XYLT1: variants seen among roughly 807,000 people sequenced by gnomAD.
The protein encoded by XYLT1 is beta-D-xylosyltransferase 1.
XYLT1 carries 36 observed loss-of-function variants against 91.3 expected under a neutral mutation model. That is an observed-to-expected ratio of 0.39 (90% CI 0.30 to 0.52). The LOEUF (loss-of-function observed/expected upper bound fraction) is 0.52, where lower values mean the gene tolerates loss of function less well. Ranked by LOEUF, XYLT1 falls within the 20% of genes least tolerant of loss-of-function variation. The pLI is 0.68. For missense variants in XYLT1, 1,242 were observed against 1,284.5 expected, an observed-to-expected ratio of 0.97 and a Z score of 0.51; for synonymous variants, 588 against 532.0, an observed-to-expected ratio of 1.11 and a Z score of -1.45.
In XYLT1 at chr16:17,470,696, T is replaced by C; in HGVS notation, c.101A>G (p.Asn34Ser). Residue 34 changes from asparagine to serine, a missense_variant, in exon 1 of 12, where the codon AAT becomes AGT. Physicochemically the swap from Asn to Ser is conservative, Grantham distance 46. This residue lies in a region of XYLT1 where 437 missense variants were observed against 411.5 expected (regional missense o/e 1.06). Coordinates refer to ENST00000261381, the MANE Select transcript of XYLT1 (RefSeq NM_022166.4). ...VLLLQTLVVWNFSSLDSGAGE... is the reference protein window; with the variant it reads ...VLLLQTLVVWSFSSLDSGAGE... ...GGCCCCGGAGTCGAGGCTGCTGAAA[T>C]TCCACACGACCAGCGTCTGCAGCAG... The C allele has an allele frequency of 8.6e-7, 1 of 1,163,420 alleles. No homozygotes were observed. 72.1% of individuals were successfully genotyped at this position (1,163,420 alleles called of 1,614,324 possible). A position where few individuals can be genotyped will look rare whatever the true frequency, so the allele number is the denominator to read the frequency against.
intron 5 of XYLT1, among the ~76,000 whole-genome samples, chr16:17,160,509 C>A (rs1326311542): frequency 6.6e-6 from 1 of 152,238 alleles, no homozygotes; most frequent in Admixed American, 6.5e-5. Flanking sequence ...AAAATGAGCG[C>A]TGCTCGTGTC....
chr16:17,350,031 A>G lies in XYLT1; in HGVS notation c.402+7981T>C, dbSNP rs895126434. Among the ~76,000 whole-genome samples, 7 of 151,692 alleles carry G rather than the reference A, an allele frequency of 4.6e-5. 1 individual carries two copies. The South Asian group carries it at 1.5e-3, about 32-fold the overall frequency. ...TGGGACTACAGGCGCCCACCACCACACCCGGCTAATTTTTTTGTATTTTTA... is the reference window on the plus strand; with the variant it reads ...TGGGACTACAGGCGCCCACCACCACGCCCGGCTAATTTTTTTGTATTTTTA... On this transcript the variant is annotated intron_variant, in intron 2 of 11. Coordinates refer to ENST00000261381, the MANE Select transcript of XYLT1 (RefSeq NM_022166.4).
intron 2 of XYLT1, among the ~76,000 whole-genome samples, chr16:17,286,818 C>A (rs557861710): frequency 2.6e-5 from 4 of 152,284 alleles, no homozygotes; most frequent in Admixed American, 1.3e-4. Flanking sequence ...AGCATCTCCC[C>A]ATGTCTTCTG....
intron 3 of XYLT1, among the ~76,000 whole-genome samples, chr16:17,237,873 T>C (rs951650018): frequency 1.1e-4 from 16 of 152,200 alleles, no homozygotes; most frequent in African/African-American, 3.6e-4. Context: ...TGTCCTTATT[T>C]CCAAGTCAGT....
chr16:17,124,666 G>A (rs555251657), intron 10 of XYLT1, among the ~76,000 whole-genome samples: 1 of 152,338 alleles, frequency 6.6e-6, no homozygotes, highest in South Asian at 2.1e-4. Flanking sequence ...CAAGGCTGGG[G>A]AAGTTTTCCT....
At chr16:17,127,069 A>T (rs1448581719) in intron 10 of XYLT1, among the ~76,000 whole-genome samples, 1 of 152,214 alleles carries the variant, frequency 6.6e-6, no homozygotes, top group Non-Finnish European at 1.5e-5. Context: ...GTTTCTCTGA[A>T]GGTGTATCAT....
At chr16:17,218,906 A>G (rs761834225) in intron 3 of XYLT1, among the ~76,000 whole-genome samples, 1 of 152,140 alleles carries the variant, frequency 6.6e-6, no homozygotes, top group Non-Finnish European at 1.5e-5. Context: ...AGTGTGCTAT[A>G]CCCTGGGGCA....
chr16:17,287,969 C>A (rs2034166530), intron 2 of XYLT1, among the ~76,000 whole-genome samples: 1 of 149,202 alleles, frequency 6.7e-6, no homozygotes. Context: ...GGGTCTGGCT[C>A]TGTTGGCCAG....
chr16:17,228,819 T>C lies in XYLT1; in HGVS notation c.914-28165A>G, dbSNP rs187142354. Among the ~76,000 whole-genome samples, 337 of 152,328 alleles carry C rather than the reference T, an allele frequency of 2.2e-3. 2 individuals are homozygous for C. Among genetic ancestry groups the C allele is most frequent in the Non-Finnish European group, 2.7e-3 (186 of 68,024 alleles). The stretch of plus-strand genomic sequence containing the variant: ...AGGGCCCACTTCATACCTGGCATTT[T>C]ACACACCTGGCCCAAAACACCCTTG... On this transcript the variant is annotated intron_variant, in intron 3 of 11. Transcript: ENST00000261381.
At chr16:17,251,131 TG>T (rs1228657158) in intron 3 of XYLT1, 3 of 152,258 alleles carry the variant, frequency 2.0e-5, no homozygotes, top group African/African-American at 7.2e-5. Flanking sequence ...CTTAAGCAGC[TG>T]GCAGTATCAT....
chr16:17,164,267 AAT>A (rs1490866334), intron 5 of XYLT1, among the ~76,000 whole-genome samples: 1 of 150,780 alleles, frequency 6.6e-6, no homozygotes, highest in Non-Finnish European at 1.5e-5. Context: ...CTTATGCACC[AAT>A]GTTTGTGATA....
In XYLT1 at chr16:17,103,330, C is replaced by T. The variant is rs1379597762; in HGVS notation, c.*5365G>A. On this transcript the variant is annotated 3_prime_UTR_variant, in exon 12 of 12. Coordinates refer to ENST00000261381, the MANE Select transcript of XYLT1 (RefSeq NM_022166.4). ...AGCAGTATGCTCTGAGAGAGTGCTT[C>T]AGGAGTTGGCTGAGCTTTAGATGAG... is the stretch of plus-strand genomic sequence containing the variant. 6.6e-6 allele frequency: 1 copy of T among 152,664 alleles called. No individual in the cohort carries two copies. The highest frequency in any genetic ancestry group is 2.4e-5 in the African/African-American group (1 of 41,462). The allele number at this position is 152,664 out of a possible 1,614,324, so 9.5% of individuals were successfully genotyped here.
intron 1 of XYLT1, chr16:17,445,904 C>T (rs1158603414): frequency 6.6e-6 from 1 of 152,118 alleles, no homozygotes. Context: ...GCAGGGAGAC[C>T]GCTCTTCAGG....
intron 1 of XYLT1, among the ~76,000 whole-genome samples, chr16:17,386,466 G>A (rs1256413013): frequency 6.6e-6 from 1 of 152,154 alleles, no homozygotes; most frequent in Non-Finnish European, 1.5e-5. Flanking sequence ...CTTAAGCCTT[G>A]TTTATGGATT....
intron 1 of XYLT1, among the ~76,000 whole-genome samples, chr16:17,465,568 G>A (rs549827773): frequency 1.4e-5 from 2 of 142,272 alleles, no homozygotes; most frequent in South Asian, 2.4e-4. Context: ...GGGGGGGGGG[G>A]GGTGAGCATT....
intron 2 of XYLT1, among the ~76,000 whole-genome samples, chr16:17,347,339 A>C (rs1282145893): frequency 6.6e-6 from 1 of 151,946 alleles, no homozygotes; most frequent in African/African-American, 2.4e-5. Context: ...CCTAGGCCTT[A>C]GTCCCTCCCC....
chr16:17,363,867 T>C (rs2035413788), intron 1 of XYLT1, among the ~76,000 whole-genome samples: 1 of 152,146 alleles, frequency 6.6e-6, no homozygotes, highest in Non-Finnish European at 1.5e-5. Context: ...TTAGTAGAGA[T>C]GGGCTTTTGC....
intron 1 of XYLT1, among the ~76,000 whole-genome samples, chr16:17,383,732 G>T (rs1596516382): frequency 6.7e-6 from 1 of 148,918 alleles, no homozygotes; most frequent in African/African-American, 2.5e-5. Context: ...TAATAGCTGT[G>T]TGACCCAAAG....
chr16:17,425,588 A>G (rs917251645), intron 1 of XYLT1, among the ~76,000 whole-genome samples: 1 of 152,242 alleles, frequency 6.6e-6, no homozygotes, highest in Non-Finnish European at 1.5e-5. Context: ...CCAAGCCCAT[A>G]TTTCAGGAAA....
Sources: allele counts gnomAD v4.1 joint callset (sites outside exome capture counted in the v4.1 genomes callset), GRCh38; gene constraint gnomAD v4.1.1; regional missense constraint gnomAD v4.1.1; transcripts MANE v1.5; gene names NCBI Gene and HGNC (gene_info 2026-07-23, HGNC 2026-07-21).